The following SHD variants were observed in gnomAD, a reference collection of about 807,000 sequenced individuals.
The protein encoded by SHD is Src homology 2 domain containing transforming protein D, also known as SH2 domain-containing adapter protein D.
Under a neutral mutation model 31.2 loss-of-function variants are expected in SHD, and 29 were observed. That is an observed-to-expected ratio of 0.93 (90% CI 0.69 to 1.27). The LOEUF (loss-of-function observed/expected upper bound fraction) is 1.27, where lower values mean the gene tolerates loss of function less well. SHD is among the 50% of genes most tolerant of loss of function. The pLI is 0.00. For missense variants in SHD, 520 were observed against 453.8 expected (o/e 1.15, Z -1.33); for synonymous variants, 208 against 187.8 (o/e 1.11, Z -0.88).
intron 5 of SHD, among the ~76,000 whole-genome samples, chr19:4,289,267 C>T (rs1000791310): frequency 2.7e-5 from 4 of 150,800 alleles, no homozygotes; most frequent in East Asian, 2.0e-4. Context: ...CCCACCACCA[C>T]GCCCGGCTAA....
At chr19:4,280,454 G>A in intron 1 of SHD, 94 bp downstream of exon 1, 1 of 1,360,978 alleles carries the variant, frequency 7.3e-7, no homozygotes, top group Non-Finnish European at 9.8e-7. Context: ...TGTGATCACA[G>A]GAGGGGACTG....
Position 4,279,948 on chromosome 19 carries a change from C to A in SHD, c.-116C>A. 1 of 1,276,964 alleles carries A rather than the reference C, an allele frequency of 7.8e-7. No homozygotes were observed. The highest frequency in any genetic ancestry group is 1.1e-6 in the Non-Finnish European group (1 of 940,782). 79.1% of individuals were successfully genotyped at this position (1,276,964 alleles called of 1,614,324 possible). ...AAAGGGCGCACCTGATCTTTCTCAT[C>A]CTTCCCTGCTCTTCCCTTCCTCTCC... On this transcript the variant is annotated 5_prime_UTR_variant, in exon 1 of 6. Coordinates refer to ENST00000543264, the MANE Select transcript of SHD (RefSeq NM_020209.4). This position sits in a 1 kb window ranked among gnomAD's most constrained non-coding sequence, Gnocchi z 7.5.
chr19:4,289,128 T>TTG (rs1491021308), intron 5 of SHD, among the ~76,000 whole-genome samples: 1 of 113,206 alleles, frequency 8.8e-6, no homozygotes, highest in East Asian at 2.5e-4. Flanking sequence ...TTTTTTTTTT[T>TTG]GAGACGGAGT....
At chr19:4,287,703 T>A (rs1483301556) in intron 4 of SHD, among the ~76,000 whole-genome samples, 2 of 151,816 alleles carry the variant, frequency 1.3e-5, no homozygotes, top group African/African-American at 4.8e-5. Flanking sequence ...GAGAATCGCT[T>A]GAACCCAGGA....
chr19:4,290,583 G>A lies in SHD; in HGVS notation c.973G>A (p.Gly325Ser), dbSNP rs1324228027. The part of the protein sequence containing the change: ...HYSSRPLPVQ[G>S]AEHLALLYPV... The stretch of plus-strand genomic sequence containing the variant: ...CAGTTCACGCCCACTGCCGGTGCAG[G>A]GTGCCGAGCATCTGGCTCTGCTGTA... Residue 325 changes from glycine to serine, a missense_variant, in exon 6 of 6, where the codon GGT becomes AGT. Transcript: ENST00000543264. The A allele has an allele frequency of 7.4e-6, 12 of 1,613,420 alleles. No individual in the cohort carries two copies. Among genetic ancestry groups the A allele is most frequent in the African/African-American group, 2.7e-5 (2 of 74,922 alleles).
rs763836753 is a variant in SHD, at chr19:4,284,856, C to T, written c.668C>T (p.Pro223Leu). ...CTCCGGAGACCTCCGCCCAGAAGCC[C>T]CCAGCCTGCGGAGCGTGTGGACCCA... is the stretch of plus-strand genomic sequence containing the variant. ...KELRRPPPRS[P>L]QPAERVDPAL... Residue 223 changes from proline to leucine, a missense_variant, in exon 4 of 6, where the codon CCC becomes CTC. By Grantham distance (98) the Pro-to-Leu change is moderately conservative (BLOSUM62 -3). Transcript: ENST00000543264. 3 of 1,612,862 alleles carry T rather than the reference C, an allele frequency of 1.9e-6. No individual in the cohort carries two copies. The highest frequency in any genetic ancestry group is 3.3e-5 in the Admixed American group (2 of 59,962).
intron 4 of SHD, 59 bp downstream of exon 4, chr19:4,284,963 T>C: frequency 7.1e-7 from 1 of 1,416,640 alleles, no homozygotes; most frequent in South Asian, 1.6e-5. Context: ...GACTCCAATG[T>C]ATCAGGCAGA....
Position 4,284,781 on chromosome 19 carries a change from T to C in SHD, c.593T>C (p.Val198Ala), listed in dbSNP as rs762849843. The part of the protein sequence containing the change: ...KKDHISRAFA[V>A]QFDSPEWERT... Reference sequence around the variant, plus strand: ...TTTCCTCTCTAAATCTCCTTTCCAGTGCAGTTTGACAGTCCAGAGTGGGAG... The same window carrying C: ...TTTCCTCTCTAAATCTCCTTTCCAGCGCAGTTTGACAGTCCAGAGTGGGAG... Residue 198 changes from valine to alanine, a missense_variant and splice_region_variant, in exon 4 of 6, where the codon GTG becomes GCG. By Grantham distance (64) the Val-to-Ala change is moderately conservative (BLOSUM62 0). Coordinates refer to ENST00000543264, the MANE Select transcript of SHD (RefSeq NM_020209.4). 2 of 1,598,358 alleles carry C rather than the reference T, an allele frequency of 1.3e-6. No individual in the cohort carries two copies. The highest frequency in any genetic ancestry group is 1.1e-5 in the South Asian group (1 of 89,048).
At chr19:4,286,725 C>T (rs1971322767) in intron 4 of SHD, among the ~76,000 whole-genome samples, 1 of 151,264 alleles carries the variant, frequency 6.6e-6, no homozygotes, top group African/African-American at 2.4e-5. Context: ...TGGTGAAACT[C>T]CATCATTAGC....
intron 4 of SHD, among the ~76,000 whole-genome samples, chr19:4,285,534 TTC>T (rs1271692385): frequency 5.3e-5 from 8 of 152,016 alleles, no homozygotes; most frequent in Non-Finnish European, 8.8e-5. Flanking sequence ...GTGAAGATTG[TTC>T]TCTTTTTTTC....
In SHD at chr19:4,288,381, AG is replaced by A; in HGVS notation, c.836+22del. Reference sequence around the variant, plus strand: ...CTCTCAGGTGAGAACTCAGCCTCACAGGGACGAAGGGTCACAGGATTGCGTG... The same window carrying A: ...CTCTCAGGTGAGAACTCAGCCTCACAGGACGAAGGGTCACAGGATTGCGTG... On this transcript the variant is annotated intron_variant, in intron 5 of 5. Transcript: ENST00000543264. 6.2e-7 allele frequency: 1 copy of A among 1,605,900 alleles called. No homozygotes were observed. The highest frequency in any genetic ancestry group is 1.1e-5 in the South Asian group (1 of 90,190).
rs367889899 is a variant in SHD at position 4,280,061 on chromosome 19, C to G, written c.-3C>G. On this transcript the variant is annotated 5_prime_UTR_variant, in exon 1 of 6. Transcript: ENST00000543264. ...TGGCCCGATTGGGGTGACAGGCGCC[C>G]AAATGGCCAAGTGGCTACGGGACTA... 4 of 1,595,062 alleles carry G rather than the reference C, an allele frequency of 2.5e-6. No individual in the cohort carries two copies. In the African/African-American group the frequency reaches 5.4e-5, roughly 22 times the overall value.
intron 3 of SHD, 126 bp from the exon 4 acceptor site, chr19:4,284,655 C>T: frequency 8.4e-7 from 1 of 1,195,926 alleles, no homozygotes; most frequent in Non-Finnish European, 1.1e-6. Flanking sequence ...TAAGCCCAGC[C>T]CCTGGGCTGT....
At chr19:4,286,242 T>C (rs1892423710) in intron 4 of SHD, among the ~76,000 whole-genome samples, 1 of 103,624 alleles carries the variant, frequency 9.7e-6, no homozygotes, top group African/African-American at 3.4e-5. Flanking sequence ...TTTCTTTCTT[T>C]CTTTCTTTCT....
intron 4 of SHD, among the ~76,000 whole-genome samples, chr19:4,287,964 G>A (rs1057377710): frequency 6.6e-6 from 1 of 151,624 alleles, no homozygotes; most frequent in African/African-American, 2.4e-5. Context: ...GAGTGCAGTG[G>A]TGCAATCTCA....
chr19:4,280,432 G>T, intron 1 of SHD, 72 bp downstream of exon 1: 1 of 1,459,162 alleles, frequency 6.9e-7, no homozygotes, highest in Non-Finnish European at 9.1e-7. Flanking sequence ...ATCGTGGAGA[G>T]CTTATTTTAT....
At chr19:4,289,418 G>C (rs1971353565) in intron 5 of SHD, among the ~76,000 whole-genome samples, 1 of 151,006 alleles carries the variant, frequency 6.6e-6, no homozygotes, top group Admixed American at 6.6e-5. Flanking sequence ...GCTAATTTTT[G>C]TATTCTTAGT....
intron 1 of SHD, among the ~76,000 whole-genome samples, chr19:4,280,873 C>CA (rs1971250547): frequency 6.6e-6 from 1 of 151,958 alleles, no homozygotes; most frequent in Admixed American, 6.6e-5. Context: ...CCTTCTGCCT[C>CA]TCTGACCACC....
rs796129594 is a variant in SHD, at chr19:4,289,133, C to G, written c.836+771C>G. ...TTTTTTTTTTTTTTTTTTTTTGAGA[C>G]GGAGTCTAGCTCTGTCACCCAGGCT... On this transcript the variant is annotated intron_variant, in intron 5 of 5. Transcript: ENST00000543264. Among the ~76,000 whole-genome samples, 221 of 106,286 alleles carry G rather than the reference C, an allele frequency of 2.1e-3. 1 individual carries two copies. Among genetic ancestry groups the G allele is most frequent in the African/African-American group, 8.3e-3 (219 of 26,494 alleles). 69.7% of individuals were successfully genotyped at this position (106,286 alleles called of 152,430 possible). A position where few individuals can be genotyped will look rare whatever the true frequency, so the allele number is the denominator to read the frequency against.
Sources: gnomAD v4.1 joint callset for allele counts (sites outside exome capture counted in the v4.1 genomes callset) on GRCh38, gnomAD v4.1.1 for gene constraint, Gnocchi (gnomAD v3.1) non-coding constraint, MANE v1.5 for transcripts, NCBI Gene and HGNC (gene_info 2026-07-23, HGNC 2026-07-21) for gene names.